Variants in FAM20A observed in about 807,000 individuals in gnomAD.
The protein encoded by FAM20A is FAM20A golgi associated secretory pathway pseudokinase.
FAM20A carries 42 observed loss-of-function variants against 52.0 expected under a neutral mutation model. That is an observed-to-expected ratio of 0.81 (90% CI 0.63 to 1.04). The LOEUF is 1.04. FAM20A is among the 50% of genes least tolerant of loss of function. The pLI is 0.00. For synonymous variants in FAM20A, 304 were observed against 298.9 expected (o/e 1.02, Z -0.18); for missense variants, 742 against 712.7 (o/e 1.04, Z -0.47).
chr17:68,546,465 A>G (rs1041193330), intron 4 of FAM20A, among the ~76,000 whole-genome samples: 2 of 152,032 alleles, frequency 1.3e-5, no homozygotes, highest in African/African-American at 4.8e-5. Context: ...AAGTTTTCAA[A>G]TGACCTTGCC....
chr17:68,535,669 ATTT>A lies in FAM20A; in HGVS notation c.*1805_*1807del. On this transcript the variant is annotated 3_prime_UTR_variant, in exon 11 of 11. Coordinates refer to ENST00000592554, the MANE Select transcript of FAM20A (RefSeq NM_017565.4). ...TGTTAAAGAGTTGATTTAAAAAAAA[ATTT>A]TTTTTTTTTTGTATTTTTTTGTAGA... 2.7e-6 allele frequency: 1 copy of A among 370,568 alleles called. No individual in the cohort carries two copies. 23.0% of individuals were successfully genotyped at this position (370,568 alleles called of 1,614,324 possible). A position where few individuals can be genotyped will look rare whatever the true frequency, so the allele number is the denominator to read the frequency against.
At chr17:68,553,771 T>TATACATATATACATGTATACAC (rs1299654567) in intron 3 of FAM20A, among the ~76,000 whole-genome samples, 3 of 147,266 alleles carry the variant, frequency 2.0e-5, no homozygotes, top group Non-Finnish European at 1.5e-5. Context: ...TATATACATA[T>TATACATATATACATGTATACAC]ATACATATAT....
chr17:68,575,040 T>C (rs1489243319), intron 1 of FAM20A: 1 of 152,090 alleles, frequency 6.6e-6, no homozygotes, highest in Non-Finnish European at 1.5e-5. Context: ...TAGGTACAAC[T>C]ATTATGTATC....
At chr17:68,556,441 A>AC (rs1464503529) in intron 1 of FAM20A, among the ~76,000 whole-genome samples, 1 of 152,218 alleles carries the variant, frequency 6.6e-6, no homozygotes, top group African/African-American at 2.4e-5. Flanking sequence ...TTATAAATCA[A>AC]CTGCTAAACA....
chr17:68,565,608 G>T (rs2087356237), intron 1 of FAM20A, among the ~76,000 whole-genome samples: 1 of 151,952 alleles, frequency 6.6e-6, no homozygotes, highest in African/African-American at 2.4e-5. Flanking sequence ...TGGTCAGGCT[G>T]GTTTTGAACT....
chr17:68,559,475 A>T (rs2087149186), intron 1 of FAM20A, among the ~76,000 whole-genome samples: 1 of 152,238 alleles, frequency 6.6e-6, no homozygotes, highest in Non-Finnish European at 1.5e-5. Flanking sequence ...TGTTGCTTTC[A>T]TCAACAAAAA....
chr17:68,542,450 G>A (rs2086345106), intron 6 of FAM20A, among the ~76,000 whole-genome samples: 1 of 152,128 alleles, frequency 6.6e-6, no homozygotes, highest in Non-Finnish European at 1.5e-5. Context: ...GTTCCGGGGA[G>A]GCCAGCATTG....
In FAM20A at chr17:68,543,590, C is replaced by T. The variant is rs774594016; in HGVS notation, c.812+39G>A. 6 of 1,580,400 alleles carry T rather than the reference C, an allele frequency of 3.8e-6. No homozygotes were observed. The East Asian group carries it at 1.3e-4, about 35-fold the overall frequency. Reference sequence around the variant, plus strand: ...TAGCCACCCCTCCCAGAGGATTGGTCCTTATAGGCAATGCCATCTCCATGG... The same window carrying T: ...TAGCCACCCCTCCCAGAGGATTGGTTCTTATAGGCAATGCCATCTCCATGG... On this transcript the variant is annotated intron_variant, in intron 5 of 10. Transcript: ENST00000592554.
chr17:68,590,018 C>G (rs945442664), intron 1 of FAM20A: 2 of 152,274 alleles, frequency 1.3e-5, no homozygotes, highest in South Asian at 4.1e-4. Context: ...CTCAATTAAA[C>G]AAAGATGAGA....
intron 4 of FAM20A, chr17:68,551,154 A>C (rs1158731785): frequency 1.1e-5 from 13 of 1,230,854 alleles, no homozygotes; most frequent in Non-Finnish European, 1.3e-5. Flanking sequence ...AGGAGACCCT[A>C]ACCTGTGGGC....
chr17:68,600,591 GGAA>G lies in FAM20A; in HGVS notation c.73_75del (p.Phe25del). Reference sequence around the variant, plus strand: ...TGGCGCTGTACTTGGGGCCAGAGGTGGAAGTAGAGGTCGGCGGAGAGCAGCGCG... The same window carrying G: ...TGGCGCTGTACTTGGGGCCAGAGGTGGTAGAGGTCGGCGGAGAGCAGCGCG... On this transcript the variant is annotated inframe_deletion, in exon 1 of 11. Coordinates refer to ENST00000592554, the MANE Select transcript of FAM20A (RefSeq NM_017565.4). The surrounding 1 kb of genome is among the most constrained non-coding windows in gnomAD (Gnocchi z 6.2). 1.9e-6 allele frequency: 3 copies of G among 1,563,264 alleles called. No homozygotes were observed. Among genetic ancestry groups the G allele is most frequent in the Non-Finnish European group, 2.6e-6 (3 of 1,155,990 alleles).
At chr17:68,581,358 C>CTTTCTTTCTT (rs1555831959) in intron 1 of FAM20A, among the ~76,000 whole-genome samples, 1 of 112,558 alleles carries the variant, frequency 8.9e-6, no homozygotes, top group Non-Finnish European at 1.9e-5. Flanking sequence ...GTTTTTCTTT[C>CTTTCTTTCTT]TTTCTTTCTT....
chr17:68,559,705 C>T (rs1183623263), intron 1 of FAM20A, among the ~76,000 whole-genome samples: 1 of 152,212 alleles, frequency 6.6e-6, no homozygotes. Context: ...ACTCTTCCAT[C>T]CTGTCCCTGA....
chr17:68,549,705 C>T (rs1019470176), intron 4 of FAM20A, among the ~76,000 whole-genome samples: 5 of 152,064 alleles, frequency 3.3e-5, no homozygotes, highest in East Asian at 1.9e-4. Context: ...TATATGTGCT[C>T]GACTAACTGT....
chr17:68,548,725 ATTTTTTTTTT>A (rs753348891), intron 4 of FAM20A, among the ~76,000 whole-genome samples: 2 of 79,158 alleles, frequency 2.5e-5, no homozygotes, highest in Admixed American at 1.7e-4. Flanking sequence ...ATGCCTGTAT[ATTTTTTTTTT>A]TTTTTTTTTT....
intron 1 of FAM20A, among the ~76,000 whole-genome samples, chr17:68,568,393 G>A (rs944331152): frequency 2.6e-5 from 4 of 151,736 alleles, no homozygotes; most frequent in Non-Finnish European, 5.9e-5. Flanking sequence ...ACATGAACCC[G>A]GGAGGTGGAG....
At chr17:68,550,026 T>G (rs2086759043) in intron 4 of FAM20A, among the ~76,000 whole-genome samples, 1 of 152,196 alleles carries the variant, frequency 6.6e-6, no homozygotes, top group African/African-American at 2.4e-5. Flanking sequence ...TGGAATGACT[T>G]GACTTTGCGC....
chr17:68,600,766 G>C lies in FAM20A; in HGVS notation c.-100C>G. ...GCAGAAGAGGTGCCTGGAGTCCCGC[G>C]GGTGGGCCGGGGTCAGTGAGACCGG... On this transcript the variant is annotated 5_prime_UTR_variant, in exon 1 of 11. Transcript: ENST00000592554. The surrounding 1 kb of genome is among the most constrained non-coding windows in gnomAD (Gnocchi z 6.2). 1 of 1,323,172 alleles carries C rather than the reference G, an allele frequency of 7.6e-7. No homozygotes were observed. The highest frequency in any genetic ancestry group is 1.0e-6 in the Non-Finnish European group (1 of 987,388). 82.0% of individuals were successfully genotyped at this position (1,323,172 alleles called of 1,614,324 possible).
Position 68,536,704 on chromosome 17 carries a change from C to G in FAM20A, c.*773G>C, listed in dbSNP as rs1303434336. ...GGCTTGTGTCCCTGCTAGGCCTGTTCCCATGCCATCCTGACCTTGGAGGAC... is the reference window on the plus strand; with the variant it reads ...GGCTTGTGTCCCTGCTAGGCCTGTTGCCATGCCATCCTGACCTTGGAGGAC... On this transcript the variant is annotated 3_prime_UTR_variant, in exon 11 of 11. Coordinates refer to ENST00000592554, the MANE Select transcript of FAM20A (RefSeq NM_017565.4). 2.2e-6 allele frequency: 1 copy of G among 454,050 alleles called. No individual in the cohort carries two copies. The highest frequency in any genetic ancestry group is 1.6e-5 in the South Asian group (1 of 64,468). 28.1% of individuals were successfully genotyped at this position (454,050 alleles called of 1,614,324 possible).
Sources: allele counts gnomAD v4.1 joint callset (sites outside exome capture counted in the v4.1 genomes callset), GRCh38; gene constraint gnomAD v4.1.1; non-coding constraint Gnocchi (gnomAD v3.1); transcripts MANE v1.5; gene names NCBI Gene and HGNC (gene_info 2026-07-23, HGNC 2026-07-21).